EIF2AK4: variants seen among roughly 807,000 people sequenced by gnomAD.
The protein encoded by EIF2AK4 is eukaryotic translation initiation factor 2 alpha kinase 4.
EIF2AK4 carries 139 observed loss-of-function variants against 211.1 expected under a neutral mutation model. The observed-to-expected ratio is 0.66, with a 90% confidence interval of 0.57 to 0.76. EIF2AK4 has a LOEUF of 0.76. EIF2AK4 is among the 30% of genes least tolerant of loss of function. EIF2AK4 has a pLI of 0.00. For synonymous variants in EIF2AK4, 710 were observed against 751.3 expected, an observed-to-expected ratio of 0.94 and a Z score of 0.90; for missense variants, 1,664 against 2,043.8, an observed-to-expected ratio of 0.81 and a Z score of 3.58.
intron 7 of EIF2AK4, among the ~76,000 whole-genome samples, chr15:39,965,163 C>T (rs553943295): frequency 6.6e-6 from 1 of 152,290 alleles, no homozygotes; most frequent in South Asian, 2.1e-4. Context: ...CTCTTGTCGC[C>T]CAGGCTGGAG....
rs775454074 is a variant in EIF2AK4 at position 40,029,505 on chromosome 15, A to G, written c.4561+41A>G. 6 of 1,594,910 alleles carry G rather than the reference A, an allele frequency of 3.8e-6. No homozygotes were observed. The African/African-American group carries it at 4.0e-5, about 11-fold the overall frequency. Reference sequence around the variant, plus strand: ...ATAATCTGAACATAATGATGCTTATATGTTTGCTCTAAGCACTTATTACTG... The same window carrying G: ...ATAATCTGAACATAATGATGCTTATGTGTTTGCTCTAAGCACTTATTACTG... On this transcript the variant is annotated intron_variant, in intron 34 of 38. Coordinates refer to ENST00000263791, the MANE Select transcript of EIF2AK4 (RefSeq NM_001013703.4).
intron 3 of EIF2AK4, among the ~76,000 whole-genome samples, chr15:39,948,381 G>A (rs1428861713): frequency 6.6e-6 from 1 of 152,114 alleles, no homozygotes; most frequent in Non-Finnish European, 1.5e-5. Context: ...TTTGGGGTTG[G>A]GTAACCAGTC....
chr15:40,002,641 C>T, intron 21 of EIF2AK4, 72 bp from the exon 22 acceptor site: 3 of 1,525,120 alleles, frequency 2.0e-6, no homozygotes. Context: ...CTACTGCAAG[C>T]CACAGATTAA....
rs1161045533 is a variant in EIF2AK4, at chr15:40,019,171, T to C, written c.4144T>C (p.Ser1382Pro). ...IGVSIAIDKI[S>P]AAVLNMEESV... ...GGTCAGCATAGCTATAGACAAGATA[T>C]CTGCTGCTGTCCTCAACATGGAGGA... The change falls in exon 30 of 39, where the codon TCT (serine) becomes CCT (proline). Residue 1382 changes from serine to proline, a missense_variant. Physicochemically the swap from Ser to Pro is moderately conservative, Grantham distance 74. This residue lies in a region of EIF2AK4 where 622 missense variants were observed against 796.8 expected (regional missense o/e 0.78). Coordinates refer to ENST00000263791, the MANE Select transcript of EIF2AK4 (RefSeq NM_001013703.4). 6.2e-6 allele frequency: 10 copies of C among 1,600,554 alleles called. No homozygotes were observed. Among genetic ancestry groups the C allele is most frequent in the African/African-American group, 1.3e-5 (1 of 74,652 alleles).
intron 29 of EIF2AK4, among the ~76,000 whole-genome samples, chr15:40,018,640 A>G (rs1410448288): frequency 6.6e-6 from 1 of 152,190 alleles, no homozygotes; most frequent in Non-Finnish European, 1.5e-5. Flanking sequence ...TAAATTATTT[A>G]GTAACATTAA....
At chr15:40,000,753 AG>A (rs2035078770) in intron 20 of EIF2AK4, among the ~76,000 whole-genome samples, 1 of 152,164 alleles carries the variant, frequency 6.6e-6, no homozygotes, top group African/African-American at 2.4e-5. Flanking sequence ...TGTGACAATA[AG>A]GTATAAAAAC....
At chr15:39,978,446 G>A (rs560870394) in intron 13 of EIF2AK4, among the ~76,000 whole-genome samples, 63 of 152,314 alleles carry the variant, frequency 4.1e-4, no homozygotes, top group African/African-American at 1.5e-3. Context: ...TATGGTTGGG[G>A]ATAAGAATTG....
At chr15:40,026,155 AT>A in intron 33 of EIF2AK4, 66 bp downstream of exon 33, 1 of 1,433,602 alleles carries the variant, frequency 7.0e-7, no homozygotes, top group Non-Finnish European at 9.7e-7. Flanking sequence ...ACGTAAATTT[AT>A]TTTAAAAGTC....
chr15:40,026,299 A>T (rs911940125), intron 33 of EIF2AK4, among the ~76,000 whole-genome samples: 42 of 151,698 alleles, frequency 2.8e-4, no homozygotes, highest in Admixed American at 1.5e-3. Context: ...TAAAAAAAAA[A>T]TTTTTTTGAT....
At chr15:39,972,438 A>C (rs943023660) in intron 9 of EIF2AK4, among the ~76,000 whole-genome samples, 4 of 152,042 alleles carry the variant, frequency 2.6e-5, no homozygotes, top group Non-Finnish European at 4.4e-5. Flanking sequence ...AATGTTTCCA[A>C]CTTGCTTCAT....
At chr15:40,006,720 G>C (rs754211744) in intron 23 of EIF2AK4, among the ~76,000 whole-genome samples, 3 of 152,022 alleles carry the variant, frequency 2.0e-5, no homozygotes, top group Non-Finnish European at 4.4e-5. Flanking sequence ...CATAATAAAA[G>C]CTCCACAGAG....
At chr15:39,973,187 A>G (rs954861945) in intron 10 of EIF2AK4, among the ~76,000 whole-genome samples, 173 bp downstream of exon 10, 3 of 152,024 alleles carry the variant, frequency 2.0e-5, no homozygotes, top group Non-Finnish European at 4.4e-5. Context: ...TGCCACCCTG[A>G]TTTTTCTAGT....
chr15:39,937,553 A>G (rs944843834), intron 1 of EIF2AK4, among the ~76,000 whole-genome samples: 1 of 152,116 alleles, frequency 6.6e-6, no homozygotes, highest in Non-Finnish European at 1.5e-5. Context: ...TATGTGATTT[A>G]AAAAATGTTG....
intron 6 of EIF2AK4, among the ~76,000 whole-genome samples, chr15:39,957,224 A>G (rs940051612): frequency 2.0e-5 from 3 of 152,260 alleles, no homozygotes; most frequent in East Asian, 1.9e-4. Flanking sequence ...AAACATTTCT[A>G]TTTTTGTGGC....
In EIF2AK4 at chr15:39,949,180, C is replaced by T; in HGVS notation, c.425C>T (p.Pro142Leu). The T allele has an allele frequency of 6.2e-7, 1 of 1,614,080 alleles. No homozygotes were observed. Among genetic ancestry groups the T allele is most frequent in the Non-Finnish European group, 8.5e-7 (1 of 1,180,012 alleles). ...CTCAGCGAGCATAACAAGCCCCCTCCCAAGTCTTTTCATGAAGAAATGCTG... is the reference window on the plus strand; with the variant it reads ...CTCAGCGAGCATAACAAGCCCCCTCTCAAGTCTTTTCATGAAGAAATGCTG... ...SFLSEHNKPPPKSFHEEMLER... is the reference protein window; with the variant it reads ...SFLSEHNKPPLKSFHEEMLER... Residue 142 changes from proline (P) to leucine (L), a missense_variant, in exon 4 of 39, where the codon CCC (proline) becomes CTC (leucine). By Grantham distance (98) the Pro-to-Leu change is moderately conservative (BLOSUM62 -3). This residue lies in a region of EIF2AK4 where 641 missense variants were observed against 729.6 expected (regional missense o/e 0.88). Transcript: ENST00000263791.
At chr15:39,998,241 T>TTGG (rs1216857415) in intron 19 of EIF2AK4, among the ~76,000 whole-genome samples, 3 of 151,604 alleles carry the variant, frequency 2.0e-5, no homozygotes, top group Non-Finnish European at 4.4e-5. Flanking sequence ...TCTATCTGTG[T>TTGG]TGGTATATGG....
chr15:40,017,213 C>T lies in EIF2AK4; in HGVS notation c.4036C>T (p.Leu1346Phe). The change falls in exon 29 of 39, where the codon CTC becomes TTC. Residue 1346 changes from leucine (L) to phenylalanine (F), a missense_variant. Physicochemically the swap from Leu to Phe is conservative, Grantham distance 22. Transcript: ENST00000263791. The stretch of plus-strand genomic sequence containing the variant: ...AAGGCAAAGGGCTGTACCTGAAATC[C>T]TCGCAGCTGGAGGCAGATATGACCT... ...KRRQRAVPEI[L>F]AAGGRYDLLI... 1 of 1,613,746 alleles carries T rather than the reference C, an allele frequency of 6.2e-7. No individual in the cohort carries two copies. Among genetic ancestry groups the T allele is most frequent in the Non-Finnish European group, 8.5e-7 (1 of 1,179,714 alleles).
intron 6 of EIF2AK4, among the ~76,000 whole-genome samples, chr15:39,961,116 G>T (rs2034465759): frequency 6.6e-6 from 1 of 152,020 alleles, no homozygotes; most frequent in African/African-American, 2.4e-5. Context: ...AAAAAAAGTA[G>T]AAAAAAAGAA....
intron 1 of EIF2AK4, among the ~76,000 whole-genome samples, chr15:39,937,834 G>A (rs1484860300): frequency 6.6e-6 from 1 of 152,082 alleles, no homozygotes; most frequent in East Asian, 1.9e-4. Context: ...GAATTTTTCA[G>A]TGTCTTCCAC....
Sources: allele counts gnomAD v4.1 joint callset (sites outside exome capture counted in the v4.1 genomes callset), GRCh38; gene constraint gnomAD v4.1.1; regional missense constraint gnomAD v4.1.1; transcripts MANE v1.5; gene names NCBI Gene and HGNC (gene_info 2026-07-23, HGNC 2026-07-21).